The following DLG2 variants were observed in gnomAD, a reference collection of about 807,000 sequenced individuals.
DLG2 encodes the protein disks large homolog 2.
A neutral mutation model predicts 132.5 loss-of-function variants in DLG2; 45 were observed. The observed-to-expected ratio is 0.34, with a 90% CI of 0.27 to 0.44. The LOEUF (loss-of-function observed/expected upper bound fraction) is 0.44, where lower values mean the gene tolerates loss of function less well. Ranked by LOEUF, DLG2 falls within the 20% of genes least tolerant of loss-of-function variation. The pLI is 1.00. For missense variants in DLG2, 1,045 were observed against 1,196.9 expected (o/e 0.87, Z 1.87); for synonymous variants, 424 against 419.6 (o/e 1.01, Z -0.13).
chr11:84,225,274 C>A (rs761109339), intron 8 of DLG2, among the ~76,000 whole-genome samples: 2 of 152,166 alleles, frequency 1.3e-5, no homozygotes, highest in African/African-American at 4.8e-5. Flanking sequence ...GTTTTCTATG[C>A]ATTCCCTTAT....
intron 6 of DLG2, among the ~76,000 whole-genome samples, chr11:84,851,613 GT>G (rs2082175302): frequency 6.6e-6 from 1 of 152,052 alleles, no homozygotes; most frequent in Non-Finnish European, 1.5e-5. Flanking sequence ...GCAGTAAGAT[GT>G]AAACTCATAA....
At chr11:85,250,400 A>C (rs965436432) in intron 4 of DLG2, among the ~76,000 whole-genome samples, 1 of 152,178 alleles carries the variant, frequency 6.6e-6, no homozygotes, top group Non-Finnish European at 1.5e-5. Context: ...TTATCATAGT[A>C]GTATGCCTGC....
At chr11:83,747,347 C>G (rs1032467334) in intron 18 of DLG2, among the ~76,000 whole-genome samples, 1 of 148,960 alleles carries the variant, frequency 6.7e-6, no homozygotes, top group Non-Finnish European at 1.5e-5. Context: ...TTCCTGCCTT[C>G]CTTCCTGCCT....
intron 15 of DLG2, among the ~76,000 whole-genome samples, chr11:83,884,674 C>A (rs932370243): frequency 2.0e-4 from 31 of 152,154 alleles, no homozygotes; most frequent in African/African-American, 7.5e-4. Flanking sequence ...GACTACCAAG[C>A]AGCCTAACTG....
At chr11:85,593,004 C>A (rs915333366) in intron 3 of DLG2, among the ~76,000 whole-genome samples, 17 of 131,150 alleles carry the variant, frequency 1.3e-4, no homozygotes, top group South Asian at 2.5e-4. Flanking sequence ...GAAGGAAGGA[C>A]GGAAGGAAAG....
At chr11:84,378,593 G>C (rs2098738159) in intron 7 of DLG2, among the ~76,000 whole-genome samples, 1 of 151,874 alleles carries the variant, frequency 6.6e-6, no homozygotes, top group Non-Finnish European at 1.5e-5. Context: ...CCTTTTTTAA[G>C]ATTTGGAACT....
intron 14 of DLG2, among the ~76,000 whole-genome samples, chr11:83,940,710 A>G (rs1203913367): frequency 6.6e-6 from 1 of 152,210 alleles, no homozygotes. Context: ...AATAGGACAG[A>G]GGAAACAAAC....
chr11:84,860,167 A>T (rs1415157559), intron 6 of DLG2, among the ~76,000 whole-genome samples: 1 of 152,170 alleles, frequency 6.6e-6, no homozygotes, highest in Non-Finnish European at 1.5e-5. Flanking sequence ...GACTTAAAAA[A>T]ATATTTATTG....
intron 6 of DLG2, among the ~76,000 whole-genome samples, chr11:84,744,192 C>T (rs2153827242): frequency 6.6e-6 from 1 of 152,038 alleles, no homozygotes; most frequent in South Asian, 2.1e-4. Context: ...AGGACATAGC[C>T]CAGGGATCTT....
chr11:85,263,581 C>T (rs552161700), intron 4 of DLG2, among the ~76,000 whole-genome samples: 2 of 152,298 alleles, frequency 1.3e-5, no homozygotes, highest in South Asian at 2.1e-4. Context: ...CCATCAGTTG[C>T]CAGAGGGATA....
chr11:84,884,048 A>G (rs2087809937), intron 6 of DLG2, among the ~76,000 whole-genome samples: 1 of 152,136 alleles, frequency 6.6e-6, no homozygotes, highest in South Asian at 2.1e-4. Flanking sequence ...GTTGATAACA[A>G]TAACAAATAA....
At chr11:84,019,516 G>A (rs1030944127) in intron 11 of DLG2, among the ~76,000 whole-genome samples, 2 of 152,134 alleles carry the variant, frequency 1.3e-5, no homozygotes, top group Admixed American at 1.3e-4. Context: ...GAGAGGGAGT[G>A]TTGTGGGTTT....
At chr11:84,855,731 T>C (rs1364635478) in intron 6 of DLG2, among the ~76,000 whole-genome samples, 2 of 152,080 alleles carry the variant, frequency 1.3e-5, no homozygotes, top group Non-Finnish European at 2.9e-5. Flanking sequence ...ATTCTTGGTG[T>C]CTTACTGCTG....
chr11:85,425,338 T>C (rs1295040545), intron 3 of DLG2, among the ~76,000 whole-genome samples: 1 of 152,126 alleles, frequency 6.6e-6, no homozygotes, highest in East Asian at 1.9e-4. Flanking sequence ...AAAAAGTTCA[T>C]TTAAATACAG....
At chr11:84,500,090 A>G (rs950698904) in intron 7 of DLG2, among the ~76,000 whole-genome samples, 7 of 152,236 alleles carry the variant, frequency 4.6e-5, no homozygotes, top group Non-Finnish European at 1.0e-4. Context: ...GAAAGACACA[A>G]GTAAAAATAA....
At chr11:85,280,984 A>C (rs1179502117) in intron 4 of DLG2, among the ~76,000 whole-genome samples, 1 of 152,070 alleles carries the variant, frequency 6.6e-6, no homozygotes, top group Non-Finnish European at 1.5e-5. Flanking sequence ...TATGATATCA[A>C]CAACATATTA....
At chr11:84,579,790 T>A (rs2099512170) in intron 6 of DLG2, among the ~76,000 whole-genome samples, 1 of 152,214 alleles carries the variant, frequency 6.6e-6, no homozygotes, top group Admixed American at 6.5e-5. Context: ...CCTATAAGAA[T>A]AATTTAGGCA....
chr11:84,432,492 G>A (rs1602018168), intron 7 of DLG2, among the ~76,000 whole-genome samples: 1 of 152,130 alleles, frequency 6.6e-6, no homozygotes, highest in Non-Finnish European at 1.5e-5. Flanking sequence ...GAGAAACCAA[G>A]TGACTGACTT....
chr11:85,263,901 G>A (rs1333967480), intron 4 of DLG2, among the ~76,000 whole-genome samples: 1 of 152,176 alleles, frequency 6.6e-6, no homozygotes, highest in Non-Finnish European at 1.5e-5. Flanking sequence ...AAGAAAGCAA[G>A]TTTATTAGAG....
Sources: allele counts gnomAD v4.1 joint callset (sites outside exome capture counted in the v4.1 genomes callset), GRCh38; gene constraint gnomAD v4.1.1; transcripts MANE v1.5; gene names NCBI Gene and HGNC (gene_info 2026-07-23, HGNC 2026-07-21).